The following NARF variants were observed in gnomAD, a reference collection of about 807,000 sequenced individuals.
The protein encoded by NARF is iron-only hydrogenase-like protein 2.
A neutral mutation model predicts 48.0 loss-of-function variants in NARF; 41 were observed. The observed-to-expected ratio is 0.85, with a 90% confidence interval of 0.66 to 1.11. NARF has a LOEUF of 1.11. NARF is among the 50% of genes least tolerant of loss of function. The pLI, the probability that NARF is intolerant of heterozygous loss-of-function variation, is 0.00. For missense variants in NARF, 613 were observed against 590.2 expected (o/e 1.04, Z -0.40); for synonymous variants, 215 against 225.5 (o/e 0.95, Z 0.42).
chr17:82,481,055 C>A, intron 6 of NARF, 27 bp from the exon 7 acceptor site: 1 of 1,613,864 alleles, frequency 6.2e-7, no homozygotes, highest in Non-Finnish European at 8.5e-7. Flanking sequence ...TTCACCAGCC[C>A]TAAATATGGG....
chr17:82,487,780 C>CACCCCCCCCA, intron 10 of NARF, 136 bp from the exon 11 acceptor site: 1 of 594,882 alleles, frequency 1.7e-6, no homozygotes, highest in Non-Finnish European at 2.9e-6. Flanking sequence ...ACACCCGCCC[C>CACCCCCCCCA]TCCCGCCCAA....
chr17:82,459,113 C>T (rs1186574958), intron 1 of NARF: 4 of 1,181,494 alleles, frequency 3.4e-6, no homozygotes, highest in Non-Finnish European at 4.2e-6. Context: ...GTGCCGCGCA[C>T]CACAGTCCGA....
intron 10 of NARF, 76 bp downstream of exon 10, chr17:82,485,730 A>T: frequency 6.4e-7 from 1 of 1,556,350 alleles, no homozygotes. Context: ...GCTGCCAGAG[A>T]GATGGTGCTC....
chr17:82,464,334 C>G lies in NARF; in HGVS notation c.156C>G (p.Asp52Glu), dbSNP rs768200718. Reference protein sequence around the residue: ...KLADAKIFLSDCLACDSCMTA... With the variant: ...KLADAKIFLSECLACDSCMTA... ...CTGATGCCAAGATATTTTTGAGCGA[C>G]TGCCTGGCATGTGACAGCTGTATGA... is the stretch of plus-strand genomic sequence containing the variant. The change falls in exon 3 of 11, where the codon GAC becomes GAG. Residue 52 changes from aspartate (D) to glutamate (E), a missense_variant. Physicochemically the swap from Asp to Glu is conservative, Grantham distance 45. Coordinates refer to ENST00000309794, the MANE Select transcript of NARF (RefSeq NM_012336.4). 1.2e-6 allele frequency: 2 copies of G among 1,613,920 alleles called. No homozygotes were observed. The highest frequency in any genetic ancestry group is 2.2e-5 in the South Asian group (2 of 91,022).
intron 5 of NARF, chr17:82,477,747 C>T (rs2043866074): frequency 6.6e-6 from 1 of 152,206 alleles, no homozygotes; most frequent in East Asian, 1.9e-4. Flanking sequence ...ATCCTGCCCT[C>T]AAGTGATCCG....
intron 3 of NARF, among the ~76,000 whole-genome samples, chr17:82,464,896 ACCT>A (rs1409316253): frequency 6.6e-6 from 1 of 152,120 alleles, no homozygotes; most frequent in African/African-American, 2.4e-5. Flanking sequence ...ATCCCTGCAG[ACCT>A]CCTATACAGA....
At chr17:82,478,994 TC>T in intron 6 of NARF, 76 bp downstream of exon 6, 1 of 1,395,022 alleles carries the variant, frequency 7.2e-7, no homozygotes, top group Non-Finnish European at 9.9e-7. Context: ...AAGGGGAGGT[TC>T]CCCATCTGTC....
chr17:82,483,653 A>G, intron 7 of NARF, 63 bp from the exon 8 acceptor site: 6 of 1,500,530 alleles, frequency 4.0e-6, no homozygotes, highest in Non-Finnish European at 5.6e-6. Context: ...AATCTCCTGC[A>G]GGGGAAGAAA....
intron 7 of NARF, chr17:82,482,031 A>G (rs9898723): frequency 0.15 from 43,533 of 292,870 alleles, 3,891 homozygotes; most frequent in Admixed American, 0.27. Flanking sequence ...TGTGGATGGA[A>G]GTGATTCCCT....
chr17:82,464,133 A>G (rs753238896), intron 2 of NARF, 154 bp from the exon 3 acceptor site: 347 of 938,426 alleles, frequency 3.7e-4, no homozygotes, highest in Non-Finnish European at 9.4e-5. Context: ...AGTGGCAGAG[A>G]CTGTCCTGCT....
In NARF at chr17:82,484,968, C is replaced by A; in HGVS notation, c.971+18C>A. 2 of 1,587,114 alleles carry A rather than the reference C, an allele frequency of 1.3e-6. No individual in the cohort carries two copies. Among genetic ancestry groups the A allele is most frequent in the Admixed American group, 1.8e-5 (1 of 56,690 alleles). Reference sequence around the variant, plus strand: ...GCCCTGAGGTGTGGGGCAGTATCCACAGCCTGTCTGTGCCTGTGGTTAGCA... The same window carrying A: ...GCCCTGAGGTGTGGGGCAGTATCCAAAGCCTGTCTGTGCCTGTGGTTAGCA... On this transcript the variant is annotated intron_variant, in intron 9 of 10. Coordinates refer to ENST00000309794, the MANE Select transcript of NARF (RefSeq NM_012336.4).
chr17:82,485,757 T>C, intron 10 of NARF, 103 bp downstream of exon 10: 3 of 1,361,088 alleles, frequency 2.2e-6, no homozygotes, highest in East Asian at 2.4e-5. Flanking sequence ...ACCCAGAGCC[T>C]CTCTCAGCCC....
At chr17:82,467,391 TC>T (rs1402219565) in intron 3 of NARF, among the ~76,000 whole-genome samples, 3 of 152,342 alleles carry the variant, frequency 2.0e-5, no homozygotes, top group Non-Finnish European at 4.4e-5. Flanking sequence ...GCTGCCAACA[TC>T]TAGTTTATGC....
At chr17:82,464,721 G>T (rs1440278239) in intron 3 of NARF, among the ~76,000 whole-genome samples, 1 of 152,218 alleles carries the variant, frequency 6.6e-6, no homozygotes, top group Non-Finnish European at 1.5e-5. Context: ...CAGGTAACAC[G>T]GGTGTTGGTG....
At chr17:82,487,359 C>T (rs933982686) in intron 10 of NARF, among the ~76,000 whole-genome samples, 28 of 152,002 alleles carry the variant, frequency 1.8e-4, no homozygotes, top group African/African-American at 5.3e-4. Context: ...TGGCACACAC[C>T]TGTAACCCCA....
chr17:82,475,142 C>G (rs1261398707), intron 5 of NARF, among the ~76,000 whole-genome samples: 2 of 152,282 alleles, frequency 1.3e-5, no homozygotes, highest in Non-Finnish European at 2.9e-5. Context: ...CTGTGGTCCC[C>G]TTGCAGGAGT....
chr17:82,464,437 C>T lies in NARF; in HGVS notation c.252+7C>T, dbSNP rs771273882. 4 of 1,605,968 alleles carry T rather than the reference C, an allele frequency of 2.5e-6. No individual in the cohort carries two copies. The highest frequency in any genetic ancestry group is 1.1e-5 in the South Asian group (1 of 90,268). On this transcript the variant is annotated splice_region_variant and intron_variant, in intron 3 of 10. Coordinates refer to ENST00000309794, the MANE Select transcript of NARF (RefSeq NM_012336.4). ...CGTTCTGAACCTTAACAAGGTAAGG[C>T]ATTCGGGGCATTTGCTGATGCTGGG...
At chr17:82,483,451 A>G (rs1231393957) in intron 7 of NARF, 1 of 445,710 alleles carries the variant, frequency 2.2e-6, no homozygotes, top group Non-Finnish European at 4.1e-6. Flanking sequence ...TGGGAAAATC[A>G]TGGAGAGATT....
At chr17:82,481,937 C>A (rs769910589) in intron 7 of NARF, 4 of 316,386 alleles carry the variant, frequency 1.3e-5, no homozygotes, top group African/African-American at 2.3e-5. Flanking sequence ...GAAAAAGGCA[C>A]GTTTGCTCCA....
Sources: allele counts gnomAD v4.1 joint callset (sites outside exome capture counted in the v4.1 genomes callset), GRCh38; gene constraint gnomAD v4.1.1; transcripts MANE v1.5; gene names NCBI Gene and HGNC (gene_info 2026-07-23, HGNC 2026-07-21).